The following SGCZ variants were observed in gnomAD, a reference collection of about 807,000 sequenced individuals.
SGCZ encodes the protein zeta-sarcoglycan.
SGCZ carries 40 observed loss-of-function variants against 41.3 expected under a neutral mutation model. The ratio of observed to expected loss-of-function variants is 0.97; its 90% CI spans 0.75 to 1.26. The LOEUF is 1.26. Among genes scored for constraint, SGCZ ranks in the 50% most tolerant of loss-of-function variants. SGCZ has a pLI of 0.00. For synonymous variants in SGCZ, 206 were observed against 137.5 expected, an observed-to-expected ratio of 1.50 and a Z score of -3.49; for missense variants, 552 against 369.8, an observed-to-expected ratio of 1.49 and a Z score of -4.04.
chr8:14,622,678 T>G (rs1435279663), intron 1 of SGCZ, among the ~76,000 whole-genome samples: 1 of 152,172 alleles, frequency 6.6e-6, no homozygotes, highest in African/African-American at 2.4e-5. Context: ...AGCTAGCAAG[T>G]GCCTTGGGTG....
At chr8:14,203,207 T>C (rs556939513) in intron 4 of SGCZ, among the ~76,000 whole-genome samples, 1 of 152,300 alleles carries the variant, frequency 6.6e-6, no homozygotes, top group East Asian at 1.9e-4. Context: ...CTAATACAGA[T>C]ATATTTAGGT....
chr8:14,105,307 A>G (rs986996686), intron 6 of SGCZ, among the ~76,000 whole-genome samples: 1 of 152,124 alleles, frequency 6.6e-6, no homozygotes, highest in Admixed American at 6.5e-5. Flanking sequence ...ACATTTCTTC[A>G]CCAAAATATT....
At chr8:14,552,364 G>A (rs940215040) in intron 2 of SGCZ, among the ~76,000 whole-genome samples, 1 of 152,014 alleles carries the variant, frequency 6.6e-6, no homozygotes, top group African/African-American at 2.4e-5. Flanking sequence ...CTTACAAAGA[G>A]TGTGTCACCT....
In SGCZ at chr8:14,898,125, A is replaced by G. The variant is rs533348424; in HGVS notation, c.39+339460T>C. Among the ~76,000 whole-genome samples, 11 of 152,012 alleles carry G rather than the reference A, an allele frequency of 7.2e-5. No homozygotes were observed. The East Asian group carries it at 2.1e-3, about 29-fold the overall frequency. On this transcript the variant is annotated intron_variant, in intron 1 of 7. Transcript: ENST00000382080. The stretch of plus-strand genomic sequence containing the variant: ...AACTTAAAAAAAAAAAAGAATCAAC[A>G]TTTTTTGCAGAGACAGGTCTCATTA...
At chr8:14,675,677 C>T (rs1324410571) in intron 1 of SGCZ, among the ~76,000 whole-genome samples, 1 of 152,136 alleles carries the variant, frequency 6.6e-6, no homozygotes, top group African/African-American at 2.4e-5. Context: ...AAGAGAGGGA[C>T]AGAAACACAA....
intron 1 of SGCZ, among the ~76,000 whole-genome samples, chr8:15,208,297 CA>C (rs900684433): frequency 1.9e-4 from 29 of 151,112 alleles, no homozygotes; most frequent in East Asian, 1.2e-3. Flanking sequence ...CATATTATAG[CA>C]AAAAAAAATT....
chr8:15,196,918 T>C (rs896568894), intron 1 of SGCZ, among the ~76,000 whole-genome samples: 4 of 152,218 alleles, frequency 2.6e-5, no homozygotes, highest in Non-Finnish European at 4.4e-5. Flanking sequence ...GGAGCCCGTA[T>C]GTTTTTCTTC....
intron 1 of SGCZ, among the ~76,000 whole-genome samples, chr8:15,140,008 C>T (rs1216675634): frequency 2.6e-5 from 4 of 151,848 alleles, no homozygotes; most frequent in African/African-American, 4.8e-5. Context: ...GGGGGACGGA[C>T]ACTGGTTATA....
chr8:14,275,390 A>G (rs998013261), intron 3 of SGCZ, among the ~76,000 whole-genome samples: 2 of 152,116 alleles, frequency 1.3e-5, no homozygotes, highest in South Asian at 4.1e-4. Context: ...TAATTCACGT[A>G]TTTAATCTAC....
At chr8:14,847,126 A>AAAGAAGAAGAAGAAGCAG (rs1803148283) in intron 1 of SGCZ, among the ~76,000 whole-genome samples, 1 of 126,362 alleles carries the variant, frequency 7.9e-6, no homozygotes, top group South Asian at 2.9e-4. Context: ...GAAGAAGAAG[A>AAAGAAGAAGAAGAAGCAG]AAGAAGAAGA....
intron 1 of SGCZ, among the ~76,000 whole-genome samples, chr8:14,591,310 T>C (rs1805232719): frequency 2.0e-5 from 3 of 152,004 alleles, no homozygotes; most frequent in African/African-American, 7.2e-5. Flanking sequence ...TATGTTTTAC[T>C]GAAATTCCTA....
intron 1 of SGCZ, among the ~76,000 whole-genome samples, chr8:14,923,848 C>T (rs1799664682): frequency 6.6e-6 from 1 of 152,176 alleles, no homozygotes; most frequent in African/African-American, 2.4e-5. Context: ...AGACGTTCAA[C>T]TGTAGGGATC....
chr8:15,057,319 A>G (rs1804750277), intron 1 of SGCZ, among the ~76,000 whole-genome samples: 1 of 151,966 alleles, frequency 6.6e-6, no homozygotes, highest in South Asian at 2.1e-4. Context: ...CTTTTCAGGG[A>G]CTCCCTACTT....
At position 14,387,876 on chromosome 8, in the gene SGCZ, G is replaced by T. The variant is rs532039617; in HGVS notation, c.235-63672C>A. On this transcript the variant is annotated intron_variant, in intron 2 of 7. Coordinates refer to ENST00000382080, the MANE Select transcript of SGCZ (RefSeq NM_139167.4). ...TCATTCTAGAATACAAATAATAAATGTATCAAAACCCTGAAATGAGAGATA... is the reference window on the plus strand; with the variant it reads ...TCATTCTAGAATACAAATAATAAATTTATCAAAACCCTGAAATGAGAGATA... 2.8e-3 allele frequency among the ~76,000 whole-genome samples: 427 copies of T among 152,118 alleles called. 2 individuals are homozygous for T. Among genetic ancestry groups the T allele is most frequent in the African/African-American group, 0.01 (418 of 41,522 alleles).
intron 1 of SGCZ, among the ~76,000 whole-genome samples, chr8:15,165,187 G>A (rs1799626949): frequency 6.6e-6 from 1 of 152,224 alleles, no homozygotes; most frequent in African/African-American, 2.4e-5. Flanking sequence ...CTACTCAGGA[G>A]GCTGAGGCAG....
At chr8:15,082,890 CA>C (rs1232410882) in intron 1 of SGCZ, among the ~76,000 whole-genome samples, 1 of 152,066 alleles carries the variant, frequency 6.6e-6, no homozygotes, top group Non-Finnish European at 1.5e-5. Flanking sequence ...TGTTTACGTA[CA>C]AAAGGTTCAC....
At chr8:14,189,270 T>C (rs527988648) in intron 4 of SGCZ, among the ~76,000 whole-genome samples, 18 of 152,234 alleles carry the variant, frequency 1.2e-4, no homozygotes, top group African/African-American at 4.3e-4. Context: ...TCCCAATATA[T>C]CTTCTTCACA....
Position 14,330,494 on chromosome 8 carries a change from T to A in SGCZ, c.235-6290A>T, listed in dbSNP as rs573410799. 5.5e-3 allele frequency among the ~76,000 whole-genome samples: 830 copies of A among 152,230 alleles called. 4 individuals are homozygous for A. Among genetic ancestry groups the A allele is most frequent in the South Asian group, 0.02 (98 of 4,834 alleles). On this transcript the variant is annotated intron_variant, in intron 2 of 7. Transcript: ENST00000382080. ...AAGAAATACTTATTGGAATTTCTTA[T>A]AAGAGACCGAATGAAAAAATAATAT...
chr8:14,441,185 T>C (rs1800250366), intron 2 of SGCZ, among the ~76,000 whole-genome samples: 1 of 152,236 alleles, frequency 6.6e-6, no homozygotes, highest in Non-Finnish European at 1.5e-5. Flanking sequence ...ATTTGAAAAC[T>C]TGTTTCTGTA....
Sources: allele counts gnomAD v4.1 joint callset (sites outside exome capture counted in the v4.1 genomes callset), GRCh38; gene constraint gnomAD v4.1.1; transcripts MANE v1.5; gene names NCBI Gene and HGNC (gene_info 2026-07-23, HGNC 2026-07-21).